The following TRPM3 variants were observed in gnomAD, a reference collection of about 807,000 sequenced individuals.
TRPM3 encodes long transient receptor potential channel 3.
TRPM3 carries 77 observed loss-of-function variants against 181.2 expected under a neutral mutation model. That is an observed-to-expected ratio of 0.42 (90% CI 0.35 to 0.51). The LOEUF is 0.51. TRPM3 is among the 20% of genes least tolerant of loss of function. TRPM3 has a pLI of 0.01. For synonymous variants in TRPM3, 745 were observed against 796.4 expected (o/e 0.94, Z 1.09); for missense variants, 1,759 against 2,196.7 (o/e 0.80, Z 3.98).
At chr9:70,930,423 C>T (rs575449537) in intron 1 of TRPM3, among the ~76,000 whole-genome samples, 1 of 152,104 alleles carries the variant, frequency 6.6e-6, no homozygotes, top group East Asian at 1.9e-4. Context: ...TTTATACTTC[C>T]TTTCATCACC....
chr9:71,245,673 T>G (rs2081996463), intron 1 of TRPM3, among the ~76,000 whole-genome samples: 1 of 152,100 alleles, frequency 6.6e-6, no homozygotes, highest in South Asian at 2.1e-4. Context: ...ATAGAAGAAC[T>G]GTGGAGAAGT....
intron 1 of TRPM3, among the ~76,000 whole-genome samples, chr9:70,990,031 C>G (rs2097461955): frequency 6.6e-6 from 1 of 152,140 alleles, no homozygotes; most frequent in Non-Finnish European, 1.5e-5. Flanking sequence ...AAACTTATGC[C>G]TTTTGTACAA....
intron 1 of TRPM3, among the ~76,000 whole-genome samples, chr9:71,268,018 G>T (rs774614088): frequency 3.3e-5 from 5 of 152,198 alleles, no homozygotes; most frequent in African/African-American, 4.8e-5. Flanking sequence ...ATGAGCAAAT[G>T]ACACAGAACA....
intron 7 of TRPM3, among the ~76,000 whole-genome samples, chr9:70,768,647 G>T (rs888197168): frequency 2.0e-4 from 30 of 152,014 alleles, no homozygotes; most frequent in African/African-American, 7.2e-4. Flanking sequence ...TGGGCCAGGT[G>T]TGGTGGCTCA....
At chr9:70,626,255 A>G (rs1349944027) in intron 12 of TRPM3, among the ~76,000 whole-genome samples, 1 of 152,174 alleles carries the variant, frequency 6.6e-6, no homozygotes, top group African/African-American at 2.4e-5. Context: ...CATTTGTGAG[A>G]AAGTCTGAGT....
intron 8 of TRPM3, among the ~76,000 whole-genome samples, chr9:70,687,977 T>C (rs2067419702): frequency 6.6e-6 from 1 of 152,218 alleles, no homozygotes; most frequent in Non-Finnish European, 1.5e-5. Flanking sequence ...AAACATATGA[T>C]CTGCCAGACA....
At chr9:70,560,865 C>A (rs112524987) in intron 22 of TRPM3, among the ~76,000 whole-genome samples, 3,974 of 152,180 alleles carry the variant, frequency 0.026, 161 homozygotes, top group African/African-American at 0.088. Flanking sequence ...GCACCTCCAC[C>A]CCAAAGATTA....
chr9:71,380,218 T>G (rs1053485600), intron 1 of TRPM3, among the ~76,000 whole-genome samples: 1 of 152,060 alleles, frequency 6.6e-6, no homozygotes, highest in Admixed American at 6.6e-5. Context: ...GCTGCTAACA[T>G]GTCATTGATG....
Position 70,537,274 on chromosome 9 carries a change from T to C in TRPM3, c.3839A>G (p.Glu1280Gly), listed in dbSNP as rs150407226. Residue 1280 changes from glutamate to glycine, a missense_variant, in exon 26 of 26, where the codon GAG (glutamate) becomes GGG (glycine). Physicochemically the swap from Glu to Gly is moderately conservative, Grantham distance 98. This residue lies in a region of TRPM3 where 612 missense variants were observed against 590.0 expected (regional missense o/e 1.04). Transcript: ENST00000677713. ...DLIGRMATAL[E>G]RLTGLERAES... is the part of the protein sequence containing the mutation. The stretch of plus-strand genomic sequence containing the variant: ...GGCCCGCTCCAGACCTGTCAGGCGC[T>C]CCAGGGCCGTGGCCATGCGCCCGAT... 4 of 1,578,180 alleles carry C rather than the reference T, an allele frequency of 2.5e-6. No homozygotes were observed. The highest frequency in any genetic ancestry group is 2.3e-5 in the East Asian group (1 of 44,182).
intron 6 of TRPM3, among the ~76,000 whole-genome samples, chr9:70,811,903 G>A (rs755250810): frequency 6.6e-6 from 1 of 152,010 alleles, no homozygotes; most frequent in Non-Finnish European, 1.5e-5. Flanking sequence ...TCTGGCCAAG[G>A]TATAGATATA....
At chr9:70,634,271 A>G (rs1211367400) in intron 12 of TRPM3, among the ~76,000 whole-genome samples, 1 of 152,070 alleles carries the variant, frequency 6.6e-6, no homozygotes, top group Non-Finnish European at 1.5e-5. Flanking sequence ...CACCATGCCA[A>G]GCTAATTTTT....
intron 1 of TRPM3, among the ~76,000 whole-genome samples, chr9:71,247,480 G>A (rs1351380458): frequency 6.6e-6 from 1 of 152,018 alleles, no homozygotes; most frequent in Non-Finnish European, 1.5e-5. Flanking sequence ...CCTAGCCTAG[G>A]TGACTTGGGA....
intron 6 of TRPM3, among the ~76,000 whole-genome samples, chr9:70,801,004 C>T (rs550178604): frequency 1.3e-5 from 2 of 152,326 alleles, no homozygotes; most frequent in South Asian, 4.2e-4. Flanking sequence ...AGGAAATCTA[C>T]AGTCTGAATT....
chr9:71,307,153 C>G lies in TRPM3; in HGVS notation c.183+139500G>C, dbSNP rs138425145. Reference sequence around the variant, plus strand: ...ATTACTGGGTCAAAGGCCATGAACACTTCTGTGAGTACTGATAATCTCCAG... The same window carrying G: ...ATTACTGGGTCAAAGGCCATGAACAGTTCTGTGAGTACTGATAATCTCCAG... On this transcript the variant is annotated intron_variant, in intron 1 of 24. Coordinates refer to the TRPM3 transcript ENST00000357533. Among the ~76,000 whole-genome samples, 14 of 152,304 alleles carry G rather than the reference C, an allele frequency of 9.2e-5. No homozygotes were observed. In the East Asian group the frequency reaches 2.7e-3, roughly 29 times the overall value.
At chr9:70,645,766 A>T (rs11998931) in intron 9 of TRPM3, among the ~76,000 whole-genome samples, 13,833 of 152,094 alleles carry the variant, frequency 0.091, 1,100 homozygotes, top group African/African-American at 0.22. Context: ...AAAAAAAATA[A>T]ATAAAACTAT....
chr9:71,090,257 A>T (rs554043176), intron 1 of TRPM3, among the ~76,000 whole-genome samples: 17 of 152,282 alleles, frequency 1.1e-4, no homozygotes, highest in Non-Finnish European at 2.4e-4. Context: ...TAGACATGTA[A>T]AGTAGTGGAG....
At chr9:71,255,605 G>A (rs925013901) in intron 1 of TRPM3, among the ~76,000 whole-genome samples, 6 of 152,162 alleles carry the variant, frequency 3.9e-5, no homozygotes, top group African/African-American at 1.4e-4. Context: ...TATTTTGCCT[G>A]ATGATGTTGA....
intron 1 of TRPM3, among the ~76,000 whole-genome samples, chr9:70,937,110 C>T (rs557172853): frequency 5.9e-5 from 9 of 152,238 alleles, no homozygotes; most frequent in African/African-American, 9.6e-5. Flanking sequence ...TGCATTTTGA[C>T]GCAGCTTCAC....
intron 9 of TRPM3, among the ~76,000 whole-genome samples, chr9:70,675,490 G>C (rs1205871477): frequency 6.6e-6 from 1 of 152,094 alleles, no homozygotes; most frequent in Non-Finnish European, 1.5e-5. Context: ...TTAAGTAGTT[G>C]ATTAATTATT....
Sources: allele counts gnomAD v4.1 joint callset (sites outside exome capture counted in the v4.1 genomes callset), GRCh38; gene constraint gnomAD v4.1.1; regional missense constraint gnomAD v4.1.1; transcripts MANE v1.5; gene names NCBI Gene and HGNC (gene_info 2026-07-23, HGNC 2026-07-21).